Variants in NFIC observed in about 807,000 individuals in gnomAD.
NFIC encodes the protein nuclear factor 1 C-type.
In NFIC, 12 loss-of-function variants were observed where a neutral mutation model predicts 54.4. The ratio of observed to expected loss-of-function variants is 0.22; its 90% CI spans 0.14 to 0.36. NFIC has a LOEUF of 0.36. Ranked by LOEUF, NFIC falls within the 10% of genes least tolerant of loss-of-function variation. The pLI is 1.00. For synonymous variants in NFIC, 322 were observed against 319.2 expected, an observed-to-expected ratio of 1.01 and a Z score of -0.09; for missense variants, 575 against 718.2, an observed-to-expected ratio of 0.80 and a Z score of 2.28.
intron 2 of NFIC, among the ~76,000 whole-genome samples, chr19:3,400,418 A>T (rs920977876): frequency 6.6e-6 from 1 of 152,090 alleles, no homozygotes; most frequent in African/African-American, 2.4e-5. Context: ...CGGAGCTTGC[A>T]GTGAGCCGAG....
rs185167181 is a variant in NFIC at position 3,446,494 on chromosome 19, A to C, written c.959-2520A>C. ...AGAATGATCCAGCCCCAGTGTCCAC[A>C]GTGCCTGTCTGAGAGACCCTGGAGG... On this transcript the variant is annotated intron_variant, in intron 6 of 10. Coordinates refer to ENST00000443272, the MANE Select transcript of NFIC (RefSeq NM_001245002.2). 4.6e-3 allele frequency among the ~76,000 whole-genome samples: 704 copies of C among 152,346 alleles called. 7 individuals are homozygous for C. The highest frequency in any genetic ancestry group is 0.016 in the African/African-American group (673 of 41,574).
chr19:3,398,820 T>TGGGGAG (rs1227824514), intron 2 of NFIC, among the ~76,000 whole-genome samples: 1 of 152,148 alleles, frequency 6.6e-6, no homozygotes, highest in Non-Finnish European at 1.5e-5. Context: ...AGCGCCCAGC[T>TGGGGAG]GGGGAGGGGG....
Position 3,425,125 on chromosome 19 carries a change from TC to T in NFIC, c.586del (p.Arg196GlyfsTer45). ...TTGCAGATGCAGAGCAAAGCGGCAGTCCCCGGACAGGGATGGGCTCTGACCA... is the reference window on the plus strand; with the variant it reads ...TTGCAGATGCAGAGCAAAGCGGCAGTCCCGGACAGGGATGGGCTCTGACCA... ...RERDAEQSGS[P>X]RTGMGSDQED... On this transcript the variant is annotated frameshift_variant, in exon 3 of 11. Transcript: ENST00000443272. LOFTEE classifies it high-confidence loss of function. 1 of 1,613,240 alleles carries T rather than the reference TC, an allele frequency of 6.2e-7. No homozygotes were observed.
intron 2 of NFIC, among the ~76,000 whole-genome samples, chr19:3,398,166 C>A (rs1016036099): frequency 6.6e-6 from 1 of 152,112 alleles, no homozygotes; most frequent in African/African-American, 2.4e-5. Context: ...CCTTCTTCAC[C>A]TTGCTCCGTG....
chr19:3,400,348 G>T (rs537946899), intron 2 of NFIC, among the ~76,000 whole-genome samples: 6 of 151,992 alleles, frequency 3.9e-5, no homozygotes, highest in Non-Finnish European at 7.4e-5. Flanking sequence ...GTGATGGCAG[G>T]TGCCTGTTGT....
chr19:3,443,755 T>C (rs1375374388), intron 6 of NFIC, among the ~76,000 whole-genome samples: 2 of 152,046 alleles, frequency 1.3e-5, no homozygotes, highest in Non-Finnish European at 2.9e-5. Context: ...GACTGCAGGG[T>C]GGTCCTGGCA....
chr19:3,387,968 C>T (rs1296123043), intron 2 of NFIC, among the ~76,000 whole-genome samples: 4 of 152,078 alleles, frequency 2.6e-5, no homozygotes, highest in Non-Finnish European at 4.4e-5. Flanking sequence ...ATCTGAGGCG[C>T]GGGCGGGCAC....
chr19:3,464,618 A>G lies in NFIC; in HGVS notation c.*1849A>G. 1 of 918,494 alleles carries G rather than the reference A, an allele frequency of 1.1e-6. No homozygotes were observed. The highest frequency in any genetic ancestry group is 5.1e-5 in the South Asian group (1 of 19,498). The allele number at this position is 918,494 out of a possible 1,614,324, so 56.9% of individuals were successfully genotyped here. On this transcript the variant is annotated 3_prime_UTR_variant, in exon 11 of 11. Transcript: ENST00000443272. ...CCCCGACCCAGGCCAAAGCCAGGGC[A>G]GGTCTCCGGGTCTCACCTGCTCCTA...
rs1252616265 is a variant in NFIC at position 3,433,611 on chromosome 19, CCT to C, written c.709+20_709+21del. On this transcript the variant is annotated intron_variant, in intron 4 of 10. Transcript: ENST00000443272. ...TCCCGGAGTGAGTGTTCCCGTCAGC[CCT>C]GAGCTGGGTCTTGGAGAGGGGAGGG... 1 of 1,612,638 alleles carries C rather than the reference CCT, an allele frequency of 6.2e-7. No homozygotes were observed. Among genetic ancestry groups the C allele is most frequent in the Non-Finnish European group, 8.5e-7 (1 of 1,178,952 alleles).
chr19:3,427,071 C>T (rs1016212739), intron 3 of NFIC, among the ~76,000 whole-genome samples: 9 of 152,028 alleles, frequency 5.9e-5, no homozygotes, highest in African/African-American at 1.2e-4. Context: ...GGACTACAGG[C>T]GCCCACCACC....
At chr19:3,395,468 T>TAC (rs71164690) in intron 2 of NFIC, among the ~76,000 whole-genome samples, 34,049 of 149,886 alleles carry the variant, frequency 0.23, 4,345 homozygotes, top group African/African-American at 0.34. Context: ...GGGCTGGGAT[T>TAC]ACAGGCGCAT....
At chr19:3,380,951 G>A (rs1030044057) in intron 1 of NFIC, among the ~76,000 whole-genome samples, 3 of 150,756 alleles carry the variant, frequency 2.0e-5, no homozygotes, top group Non-Finnish European at 3.0e-5. Context: ...ATTACACCCA[G>A]CCCAACCCTA....
chr19:3,402,466 G>A (rs2081574015), intron 2 of NFIC, among the ~76,000 whole-genome samples: 2 of 152,118 alleles, frequency 1.3e-5, no homozygotes, highest in Non-Finnish European at 2.9e-5. Context: ...TATTTATTGA[G>A]CACCTAGTCT....
At chr19:3,371,237 C>CAGA (rs1391485763) in intron 1 of NFIC, among the ~76,000 whole-genome samples, 1 of 152,010 alleles carries the variant, frequency 6.6e-6, no homozygotes, top group African/African-American at 2.4e-5. Flanking sequence ...CTGCCCCCAC[C>CAGA]CCCGGACCGT....
At chr19:3,417,114 T>C (rs2081872087) in intron 2 of NFIC, among the ~76,000 whole-genome samples, 3 of 150,318 alleles carry the variant, frequency 2.0e-5, no homozygotes, top group South Asian at 2.1e-4. Flanking sequence ...CTCGATCTCC[T>C]GACCTCGTGA....
intron 1 of NFIC, among the ~76,000 whole-genome samples, chr19:3,373,680 A>C (rs1460344584): frequency 7.5e-6 from 1 of 133,212 alleles, no homozygotes; most frequent in Admixed American, 8.7e-5. Context: ...CAAACTCTTA[A>C]ATTTCTTCAG....
intron 9 of NFIC, among the ~76,000 whole-genome samples, chr19:3,455,973 C>T (rs368809332): frequency 3.3e-5 from 5 of 152,270 alleles, no homozygotes; most frequent in African/African-American, 1.2e-4. Context: ...CCTGTTGCAG[C>T]TTCTTCTCCC....
At chr19:3,419,643 A>G (rs1043011049) in intron 2 of NFIC, among the ~76,000 whole-genome samples, 1 of 151,836 alleles carries the variant, frequency 6.6e-6, no homozygotes, top group Non-Finnish European at 1.5e-5. Context: ...TTAAAATTAG[A>G]TTAGAAAATT....
intron 1 of NFIC, among the ~76,000 whole-genome samples, chr19:3,360,210 G>T (rs1200632431): frequency 6.9e-6 from 1 of 145,718 alleles, no homozygotes; most frequent in Non-Finnish European, 1.5e-5. Flanking sequence ...GCGGAGAGGG[G>T]CGGAGAGCGC....
Sources: allele counts gnomAD v4.1 joint callset (sites outside exome capture counted in the v4.1 genomes callset), GRCh38; gene constraint gnomAD v4.1.1; transcripts MANE v1.5; gene names NCBI Gene and HGNC (gene_info 2026-07-23, HGNC 2026-07-21).